SYDE1: variants seen among roughly 807,000 people sequenced by gnomAD.
SYDE1 encodes synapse defective Rho GTPase activating protein 1.
SYDE1 carries 34 observed loss-of-function variants against 63.3 expected under a neutral mutation model. The observed-to-expected ratio is 0.54, with a 90% CI of 0.41 to 0.71. SYDE1 has a LOEUF of 0.71. SYDE1 is among the 30% of genes least tolerant of loss of function. The pLI is 0.00. For synonymous variants in SYDE1, 467 were observed against 473.4 expected, an observed-to-expected ratio of 0.99 and a Z score of 0.18; for missense variants, 925 against 1,042.5, an observed-to-expected ratio of 0.89 and a Z score of 1.55.
chr19:15,109,463 G>T lies in SYDE1; in HGVS notation c.430+66G>T, dbSNP rs1469452217. 4.8e-6 allele frequency: 7 copies of T among 1,459,776 alleles called. No homozygotes were observed. The South Asian group carries it at 5.8e-5, about 12-fold the overall frequency. 90.4% of individuals were successfully genotyped at this position (1,459,776 alleles called of 1,614,324 possible). A position where few individuals can be genotyped will look rare whatever the true frequency, so the allele number is the denominator to read the frequency against. On this transcript the variant is annotated intron_variant, in intron 2 of 7. Transcript: ENST00000342784. The surrounding 1 kb of genome is among the most constrained non-coding windows in gnomAD (Gnocchi z 5.0). ...CAGCTCCACATCCCTTCCCTTCAGG[G>T]TAGCACCAGCCTCACACTCCCTCCT... is the stretch of plus-strand genomic sequence containing the variant.
At position 15,110,540 on chromosome 19, in the gene SYDE1, G is replaced by GCC. The variant is rs1568328794; in HGVS notation, c.1095_1096insCC (p.Ala366ProfsTer15). 6.3e-7 allele frequency: 1 copy of GCC among 1,589,346 alleles called. No individual in the cohort carries two copies. Among genetic ancestry groups the GCC allele is most frequent in the East Asian group, 2.3e-5 (1 of 43,838 alleles). ...CCTCAGGGTGCCAGGCCCAACAGCT[G>GCC]GCCGTGCGCCTGGAGCCTCAGGGGC... On this transcript the variant is annotated frameshift_variant, in exon 4 of 8. Transcript: ENST00000342784. LOFTEE classifies it high-confidence loss of function. The surrounding 1 kb of genome is among the most constrained non-coding windows in gnomAD (Gnocchi z 6.9).
Position 15,109,649 on chromosome 19 carries a change from C to T in SYDE1, c.431-55C>T. ...CTTCCCTTCAGGGGAGCACCAGCCT[C>T]ACCCCCCTCCCCTAAGCCCAGGTTC... On this transcript the variant is annotated intron_variant, in intron 2 of 7. Coordinates refer to ENST00000342784, the MANE Select transcript of SYDE1 (RefSeq NM_033025.6). This position sits in a 1 kb window ranked among gnomAD's most constrained non-coding sequence, Gnocchi z 5.0. The T allele has an allele frequency of 9.0e-7, 1 of 1,111,108 alleles. No individual in the cohort carries two copies. Among genetic ancestry groups the T allele is most frequent in the Non-Finnish European group, 1.2e-6 (1 of 800,938 alleles). 68.8% of individuals were successfully genotyped at this position (1,111,108 alleles called of 1,614,324 possible).
Position 15,113,833 on chromosome 19 carries a change from C to G in SYDE1, c.2078C>G (p.Pro693Arg). The G allele has an allele frequency of 1.2e-6, 2 of 1,614,148 alleles. No individual in the cohort carries two copies. Among genetic ancestry groups the G allele is most frequent in the Non-Finnish European group, 1.7e-6 (2 of 1,180,018 alleles). Residue 693 changes from proline (P) to arginine (R), a missense_variant, in exon 8 of 8, where the codon CCG (proline) becomes CGG (arginine). Pro to Arg is a moderately radical substitution (Grantham distance 103). Around this residue, in one of 3 missense-constraint regions of SYDE1, gnomAD observed 255 missense variants for 255.9 expected, o/e 1.00. Coordinates refer to ENST00000342784, the MANE Select transcript of SYDE1 (RefSeq NM_033025.6). ...GACGAGGACGAGGAGGTCGGCGAGC[C>G]GAGGGTCACCGGTGACTTCGAAGAC... ...SEDEDEEVGE[P>R]RVTGDFEDDF...
At position 15,110,646 on chromosome 19, in the gene SYDE1, C is replaced by A. The variant is rs993203679; in HGVS notation, c.1201C>A (p.Pro401Thr). ...GCCCCGCGTCTTTGGGCTGCCCCTG[C>A]CACTGCTGGTGGAGCGGGAGCGGCC... Reference protein sequence around the residue: ...AEPRVFGLPLPLLVERERPPG... With the variant: ...AEPRVFGLPLTLLVERERPPG... The change falls in exon 4 of 8, where the codon CCA (proline) becomes ACA (threonine). Residue 401 changes from proline to threonine, a missense_variant. Physicochemically the swap from Pro to Thr is conservative, Grantham distance 38 (BLOSUM62 -1). Coordinates refer to ENST00000342784, the MANE Select transcript of SYDE1 (RefSeq NM_033025.6). The surrounding 1 kb of genome is among the most constrained non-coding windows in gnomAD (Gnocchi z 6.9). 8 of 1,589,532 alleles carry A rather than the reference C, an allele frequency of 5.0e-6. No individual in the cohort carries two copies. The highest frequency in any genetic ancestry group is 2.3e-5 in the East Asian group (1 of 43,574).
At chr19:15,113,231 G>T (rs925677625) in intron 7 of SYDE1, among the ~76,000 whole-genome samples, 2 of 152,032 alleles carry the variant, frequency 1.3e-5, no homozygotes, top group Admixed American at 1.3e-4. Flanking sequence ...GTGGAGATGG[G>T]GCTTCACGGT....
chr19:15,107,682 G>A (rs1441232438), intron 1 of SYDE1, among the ~76,000 whole-genome samples, 161 bp downstream of exon 1: 10 of 142,572 alleles, frequency 7.0e-5, no homozygotes, highest in African/African-American at 2.5e-4. Context: ...AGGGGTCCTG[G>A]AAGGAAGGGG....
In SYDE1 at chr19:15,114,010, G is replaced by A. The variant is rs367881199; in HGVS notation, c.*47G>A. On this transcript the variant is annotated 3_prime_UTR_variant, in exon 8 of 8. Transcript: ENST00000342784. ...CCGGTTAGTAAGGACCGGGCGCCCA[G>A]TGGCTAAGGCGGTGCCCTGGTGACC... 6.4e-7 allele frequency: 1 copy of A among 1,566,086 alleles called. No individual in the cohort carries two copies. The highest frequency in any genetic ancestry group is 1.7e-5 in the Admixed American group (1 of 57,396).
intron 6 of SYDE1, 38 bp from the exon 7 acceptor site, chr19:15,112,308 G>C: frequency 6.8e-7 from 1 of 1,464,060 alleles, no homozygotes; most frequent in Non-Finnish European, 9.3e-7. Flanking sequence ...ACAGGGGCCT[G>C]ACTTTGTCTG....
rs867617069 is a variant in SYDE1, at chr19:15,110,420, T to A, written c.1075+72T>A. The A allele has an allele frequency of 2.7e-5, 40 of 1,469,228 alleles. No individual in the cohort carries two copies. The Middle Eastern group carries it at 2.8e-3, about 104-fold the overall frequency. The allele number at this position is 1,469,228 out of a possible 1,614,324, so 91.0% of individuals were successfully genotyped here. ...CCACCGCCACCCCCCGCAGAGTGCC[T>A]AGGGGGCTGGGCTCCGGGCGGAAGG... On this transcript the variant is annotated intron_variant, in intron 3 of 7. Transcript: ENST00000342784. This position sits in a 1 kb window ranked among gnomAD's most constrained non-coding sequence, Gnocchi z 6.9.
intron 7 of SYDE1, among the ~76,000 whole-genome samples, chr19:15,113,238 C>T (rs557458980): frequency 1.3e-5 from 2 of 152,214 alleles, no homozygotes; most frequent in East Asian, 1.9e-4. Flanking sequence ...TGGGGCTTCA[C>T]GGTGTTGGCC....
chr19:15,110,600 G>A lies in SYDE1; in HGVS notation c.1155G>A (p.Gln385=). ...LYAKLTLSEQ[Q]EAPATAEPRV... ...CCAAGCTGACCCTGTCGGAGCAGCAGGAAGCCCCTGCCACAGCTGAGCCCC... is the reference window on the plus strand; with the variant it reads ...CCAAGCTGACCCTGTCGGAGCAGCAAGAAGCCCCTGCCACAGCTGAGCCCC... Residue 385 remains glutamine (Q), a synonymous_variant, in exon 4 of 8, where the codon CAG becomes CAA. Coordinates refer to ENST00000342784, the MANE Select transcript of SYDE1 (RefSeq NM_033025.6). This position sits in a 1 kb window ranked among gnomAD's most constrained non-coding sequence, Gnocchi z 6.9. 3.1e-6 allele frequency: 5 copies of A among 1,593,812 alleles called. No individual in the cohort carries two copies. The highest frequency in any genetic ancestry group is 4.3e-6 in the Non-Finnish European group (5 of 1,172,690).
rs761909227 is a variant in SYDE1 at position 15,107,491 on chromosome 19, C to A, written c.58C>A (p.Pro20Thr). ...CCGCCTGCGGGGCCGGGAGAAACTT[C>A]CCCGGAAAAAGTCGGACGCCAAGGA... The part of the protein sequence containing the change: ...FSRLRGREKL[P>T]RKKSDAKERG... The change falls in exon 1 of 8, where the codon CCC (proline) becomes ACC (threonine). Residue 20 changes from proline (P) to threonine (T), a missense_variant. Pro to Thr is a conservative substitution (Grantham distance 38). This residue lies in a region of SYDE1 where 599 missense variants were observed against 653.7 expected (regional missense o/e 0.92). Coordinates refer to ENST00000342784, the MANE Select transcript of SYDE1 (RefSeq NM_033025.6). 2 of 1,545,808 alleles carry A rather than the reference C, an allele frequency of 1.3e-6. No homozygotes were observed. The highest frequency in any genetic ancestry group is 1.2e-5 in the South Asian group (1 of 84,196).
chr19:15,108,984 G>A lies in SYDE1; in HGVS notation c.89-72G>A. The A allele has an allele frequency of 7.0e-7, 1 of 1,425,284 alleles. No individual in the cohort carries two copies. Among genetic ancestry groups the A allele is most frequent in the Non-Finnish European group, 9.1e-7 (1 of 1,094,352 alleles). 88.3% of individuals were successfully genotyped at this position (1,425,284 alleles called of 1,614,324 possible). ...GGCCGTACACAGCATCCCACCCACT[G>A]ATCAATTGCACAGGGCTGCTCTGCA... is the stretch of plus-strand genomic sequence containing the variant. On this transcript the variant is annotated intron_variant, in intron 1 of 7. Coordinates refer to ENST00000342784, the MANE Select transcript of SYDE1 (RefSeq NM_033025.6). This position sits in a 1 kb window ranked among gnomAD's most constrained non-coding sequence, Gnocchi z 4.3.
In SYDE1 at chr19:15,114,163, A is replaced by T; in HGVS notation, c.*200A>T. Reference sequence around the variant, plus strand: ...CCCGGTATTTGGACACTAGTTGCCAAGTCTGGGGCCTGGGGATTTTAGGGA... The same window carrying T: ...CCCGGTATTTGGACACTAGTTGCCATGTCTGGGGCCTGGGGATTTTAGGGA... On this transcript the variant is annotated 3_prime_UTR_variant, in exon 8 of 8. Transcript: ENST00000342784. The T allele has an allele frequency of 8.6e-6, 5 of 581,648 alleles. 1 individual carries two copies. In the Middle Eastern group the frequency reaches 1.8e-3, roughly 214 times the overall value. 36.0% of individuals were successfully genotyped at this position (581,648 alleles called of 1,614,324 possible).
intron 7 of SYDE1, among the ~76,000 whole-genome samples, chr19:15,112,944 G>A (rs2046354699): frequency 6.6e-6 from 1 of 151,912 alleles, no homozygotes; most frequent in South Asian, 2.1e-4. Context: ...TTGCTCTCTA[G>A]CCCAGGCTGG....
rs2145333036 is a variant in SYDE1 at position 15,113,988 on chromosome 19, G to C, written c.*25G>C. 1 of 1,597,378 alleles carries C rather than the reference G, an allele frequency of 6.3e-7. No individual in the cohort carries two copies. The highest frequency in any genetic ancestry group is 2.2e-5 in the East Asian group (1 of 44,658). On this transcript the variant is annotated 3_prime_UTR_variant, in exon 8 of 8. Transcript: ENST00000342784. ...AGCCAGATGACGGGGTGGGACCCCG[G>C]TTAGTAAGGACCGGGCGCCCAGTGG...
At position 15,114,632 on chromosome 19, in the gene SYDE1, C is replaced by G. The variant is rs2046372321; in HGVS notation, c.*669C>G. 2 of 146,032 alleles carry G rather than the reference C, an allele frequency of 1.4e-5. No homozygotes were observed. The highest frequency in any genetic ancestry group is 1.4e-4 in the Admixed American group (2 of 14,656). The allele number at this position is 146,032 out of a possible 1,614,324, so 9.0% of individuals were successfully genotyped here. On this transcript the variant is annotated 3_prime_UTR_variant, in exon 8 of 8. Transcript: ENST00000342784. Reference sequence around the variant, plus strand: ...CATCTCCTTGCCCCCCCCTTGCCCCCCCCCCCGAAAAAAATTGAGCACTTA... The same window carrying G: ...CATCTCCTTGCCCCCCCCTTGCCCCGCCCCCCGAAAAAAATTGAGCACTTA...
chr19:15,114,861 A>G lies in SYDE1; in HGVS notation c.*898A>G. The G allele has an allele frequency of 3.1e-6, 1 of 318,854 alleles. No homozygotes were observed. The highest frequency in any genetic ancestry group is 4.4e-5 in the Admixed American group (1 of 22,598). 19.8% of individuals were successfully genotyped at this position (318,854 alleles called of 1,614,324 possible). ...GTGCCCAGCCACCCTGAAATCCCCA[A>G]TAATGGTGCCTCAGTGGGCCCCAGA... On this transcript the variant is annotated 3_prime_UTR_variant, in exon 8 of 8. Coordinates refer to ENST00000342784, the MANE Select transcript of SYDE1 (RefSeq NM_033025.6).
rs941976491 is a variant in SYDE1 at position 15,108,828 on chromosome 19, T to C, written c.89-228T>C. 4 of 523,722 alleles carry C rather than the reference T, an allele frequency of 7.6e-6. No homozygotes were observed. The highest frequency in any genetic ancestry group is 1.2e-5 in the Non-Finnish European group (4 of 330,072). The allele number at this position is 523,722 out of a possible 1,614,324, so 32.4% of individuals were successfully genotyped here. On this transcript the variant is annotated intron_variant, in intron 1 of 7. Coordinates refer to ENST00000342784, the MANE Select transcript of SYDE1 (RefSeq NM_033025.6). The surrounding 1 kb of genome is among the most constrained non-coding windows in gnomAD (Gnocchi z 4.3). The stretch of plus-strand genomic sequence containing the variant: ...GAACCCTGAGGCTGCAGGGATGGAG[T>C]CCCCTTTTGGGATGCCAGGGACTGA...
Sources: allele counts gnomAD v4.1 joint callset (sites outside exome capture counted in the v4.1 genomes callset), GRCh38; gene constraint gnomAD v4.1.1; regional missense constraint gnomAD v4.1.1; non-coding constraint Gnocchi (gnomAD v3.1); transcripts MANE v1.5; gene names NCBI Gene and HGNC (gene_info 2026-07-23, HGNC 2026-07-21).